ZSWIM6: variants seen among roughly 807,000 people sequenced by gnomAD.
The protein encoded by ZSWIM6 is zinc finger SWIM-type containing 6, also known as zinc finger SWIM domain-containing protein 6.
ZSWIM6 carries 9 observed loss-of-function variants against 113.2 expected under a neutral mutation model. That is an observed-to-expected ratio of 0.08 (90% confidence interval 0.05 to 0.14). ZSWIM6 has a LOEUF of 0.14. Ranked by LOEUF, ZSWIM6 falls within the 10% of genes least tolerant of loss-of-function variation. The probability of loss-of-function intolerance (pLI) is 1.00; values close to 1 mark genes in which losing one functional copy is unlikely to be tolerated. For synonymous variants in ZSWIM6, 611 were observed against 606.5 expected, an observed-to-expected ratio of 1.01 and a Z score of -0.11; for missense variants, 1,162 against 1,552.2, an observed-to-expected ratio of 0.75 and a Z score of 4.22.
At chr5:61,445,176 T>C (rs552954800) in intron 1 of ZSWIM6, among the ~76,000 whole-genome samples, 1 of 152,194 alleles carries the variant, frequency 6.6e-6, no homozygotes, top group South Asian at 2.1e-4. Flanking sequence ...AAAAATGTGA[T>C]AGGTCCTGTG....
intron 2 of ZSWIM6, among the ~76,000 whole-genome samples, chr5:61,479,030 G>A (rs955708867): frequency 3.9e-5 from 6 of 152,022 alleles, no homozygotes; most frequent in East Asian, 1.9e-4. Context: ...AATTAGTCGG[G>A]CATGGTGGCG....
At chr5:61,440,858 A>G (rs1746814947) in intron 1 of ZSWIM6, among the ~76,000 whole-genome samples, 1 of 152,232 alleles carries the variant, frequency 6.6e-6, no homozygotes, top group Non-Finnish European at 1.5e-5. Context: ...AAAACAGCTT[A>G]CAGTCCACTG....
chr5:61,423,394 G>A (rs867903253), intron 1 of ZSWIM6, among the ~76,000 whole-genome samples: 5 of 150,426 alleles, frequency 3.3e-5, no homozygotes, highest in Middle Eastern at 3.4e-3. Context: ...GGCATCAAGA[G>A]TGAAACTCCA....
At chr5:61,439,215 A>G (rs1474871493) in intron 1 of ZSWIM6, among the ~76,000 whole-genome samples, 3 of 152,188 alleles carry the variant, frequency 2.0e-5, no homozygotes, top group East Asian at 1.9e-4. Flanking sequence ...TCTGCCTCAC[A>G]TGGAAGTTCC....
intron 1 of ZSWIM6, among the ~76,000 whole-genome samples, chr5:61,334,710 G>A (rs971376038): frequency 3.3e-5 from 5 of 152,088 alleles, no homozygotes; most frequent in African/African-American, 4.8e-5. Context: ...TAGCTTTTGA[G>A]GCTATTCATC....
At chr5:61,427,414 G>A (rs1338997828) in intron 1 of ZSWIM6, among the ~76,000 whole-genome samples, 1 of 152,134 alleles carries the variant, frequency 6.6e-6, no homozygotes, top group Non-Finnish European at 1.5e-5. Flanking sequence ...TGAATTCAAT[G>A]TAGTACTCTG....
intron 1 of ZSWIM6, chr5:61,391,324 A>C: frequency 1.2e-6 from 1 of 826,548 alleles, no homozygotes; most frequent in Non-Finnish European, 2.2e-6. Context: ...CTTTACCTGG[A>C]TCTCCATCAG....
At chr5:61,483,363 A>G (rs1004908571) in intron 2 of ZSWIM6, among the ~76,000 whole-genome samples, 1 of 152,250 alleles carries the variant, frequency 6.6e-6, no homozygotes, top group Admixed American at 6.5e-5. Flanking sequence ...AAAAGGCCCC[A>G]CCTTTCAATA....
intron 4 of ZSWIM6, among the ~76,000 whole-genome samples, chr5:61,499,779 G>A (rs1748414410): frequency 6.6e-6 from 1 of 152,184 alleles, no homozygotes; most frequent in African/African-American, 2.4e-5. Context: ...AAGCGGAGAA[G>A]AGGGAGATGG....
In ZSWIM6 at chr5:61,447,716, T is replaced by C. The variant is rs1746994666; in HGVS notation, c.677-24965T>C. ...AGGTCAGGGAATCAAAATCTGTTAC[T>C]GACATGCTAGAGGTTTGTTTTAGGT... On this transcript the variant is annotated intron_variant, in intron 1 of 13. Coordinates refer to ENST00000252744, the MANE Select transcript of ZSWIM6 (RefSeq NM_020928.2). Among the ~76,000 whole-genome samples the C allele has an allele frequency of 2.6e-5, 4 of 152,274 alleles. No homozygotes were observed. The South Asian group carries it at 8.3e-4, about 32-fold the overall frequency.
At chr5:61,420,230 A>G (rs915794600) in intron 1 of ZSWIM6, among the ~76,000 whole-genome samples, 2 of 152,282 alleles carry the variant, frequency 1.3e-5, no homozygotes, top group Admixed American at 6.5e-5. Context: ...CAAAGAACCT[A>G]ACACATGCTC....
chr5:61,523,637 T>C (rs1034351852), intron 5 of ZSWIM6, among the ~76,000 whole-genome samples: 1 of 152,212 alleles, frequency 6.6e-6, no homozygotes, highest in Non-Finnish European at 1.5e-5. Context: ...ACTGCACAAT[T>C]GAATAGCCAC....
At chr5:61,495,981 A>G (rs1466316549) in intron 4 of ZSWIM6, among the ~76,000 whole-genome samples, 3 of 152,164 alleles carry the variant, frequency 2.0e-5, no homozygotes, top group Non-Finnish European at 4.4e-5. Context: ...TTTGGTTACC[A>G]AAAAGGGTAC....
At chr5:61,423,509 A>G (rs553764113) in intron 1 of ZSWIM6, among the ~76,000 whole-genome samples, 20 of 152,254 alleles carry the variant, frequency 1.3e-4, no homozygotes, top group Admixed American at 1.3e-3. Flanking sequence ...AAGCAGTTAT[A>G]GATGTTGCAT....
rs551159333 is a variant in ZSWIM6 at position 61,424,635 on chromosome 5, C to G, written c.677-48046C>G. Among the ~76,000 whole-genome samples the G allele has an allele frequency of 1.1e-3, 168 of 152,230 alleles. 1 individual carries two copies. The highest frequency in any genetic ancestry group is 3.8e-3 in the African/African-American group (157 of 41,534). ...CTGTTCCAGCTCTGGTGCCAGTAGC[C>G]CACTCATGCTATGGAATTACTTTTG... is the stretch of plus-strand genomic sequence containing the variant. On this transcript the variant is annotated intron_variant, in intron 1 of 13. Transcript: ENST00000252744.
chr5:61,462,143 A>T (rs1747334918), intron 1 of ZSWIM6, among the ~76,000 whole-genome samples: 1 of 152,174 alleles, frequency 6.6e-6, no homozygotes, highest in African/African-American at 2.4e-5. Flanking sequence ...CAGGCTATAA[A>T]TTAGTGAAGA....
At chr5:61,409,071 G>GTT (rs745675137) in intron 1 of ZSWIM6, among the ~76,000 whole-genome samples, 82 of 118,618 alleles carry the variant, frequency 6.9e-4, no homozygotes, top group East Asian at 2.6e-3. Context: ...GAGGGGAAAG[G>GTT]TTTTTTTTTT....
intron 1 of ZSWIM6, among the ~76,000 whole-genome samples, chr5:61,447,314 TACTGAAACACAATCCAACTGC>T (rs1472014971): frequency 2.0e-5 from 3 of 152,234 alleles, no homozygotes; most frequent in Non-Finnish European, 4.4e-5. Context: ...TACAAACAAT[TACTGAAACACAATCCAACTGC>T]ACTGAAACAC....
intron 1 of ZSWIM6, chr5:61,375,203 A>G (rs924372322): frequency 6.0e-5 from 97 of 1,613,270 alleles, no homozygotes; most frequent in Non-Finnish European, 7.8e-5. Context: ...CCAACAATAC[A>G]GGATTATCTG....
Sources: gnomAD v4.1 joint callset for allele counts (sites outside exome capture counted in the v4.1 genomes callset) on GRCh38, gnomAD v4.1.1 for gene constraint, MANE v1.5 for transcripts, NCBI Gene and HGNC (gene_info 2026-07-23, HGNC 2026-07-21) for gene names.